Variants in KCNQ5 observed in about 807,000 individuals in gnomAD.
KCNQ5 encodes the protein potassium voltage-gated channel subfamily Q member 5.
In KCNQ5, 30 loss-of-function variants were observed where a neutral mutation model predicts 98.2. That is an observed-to-expected ratio of 0.31 (90% CI 0.23 to 0.41). The LOEUF (loss-of-function observed/expected upper bound fraction) is 0.41, where lower values mean the gene tolerates loss of function less well. Ranked by LOEUF, KCNQ5 falls within the 10% of genes least tolerant of loss-of-function variation. The probability of loss-of-function intolerance (pLI) is 1.00; values close to 1 mark genes in which losing one functional copy is unlikely to be tolerated. For missense variants in KCNQ5, 835 were observed against 1,182.5 expected, an observed-to-expected ratio of 0.71 and a Z score of 4.31; for synonymous variants, 458 against 449.4, an observed-to-expected ratio of 1.02 and a Z score of -0.24.
chr6:73,076,182 G>A (rs1387771573), intron 3 of KCNQ5, among the ~76,000 whole-genome samples: 1 of 152,196 alleles, frequency 6.6e-6, no homozygotes, highest in Non-Finnish European at 1.5e-5. Context: ...CACACCAGGA[G>A]ACCAGACCTT....
At chr6:72,995,676 G>T (rs1286594188) in intron 1 of KCNQ5, among the ~76,000 whole-genome samples, 2 of 152,126 alleles carry the variant, frequency 1.3e-5, no homozygotes, top group Admixed American at 1.3e-4. Flanking sequence ...GGAAGATAAG[G>T]GTAAAACATT....
At chr6:73,059,298 G>A (rs748937447) in intron 3 of KCNQ5, among the ~76,000 whole-genome samples, 1 of 152,078 alleles carries the variant, frequency 6.6e-6, no homozygotes, top group African/African-American at 2.4e-5. Context: ...TCACCTAAGC[G>A]AACTGACACA....
At chr6:72,970,612 A>G (rs1044430241) in intron 1 of KCNQ5, among the ~76,000 whole-genome samples, 6 of 152,238 alleles carry the variant, frequency 3.9e-5, no homozygotes, top group African/African-American at 1.4e-4. Flanking sequence ...ACAAGGCCAC[A>G]GTAACCAAAA....
At chr6:72,762,427 A>G (rs1772336488) in intron 1 of KCNQ5, among the ~76,000 whole-genome samples, 1 of 151,238 alleles carries the variant, frequency 6.6e-6, no homozygotes, top group Non-Finnish European at 1.5e-5. Context: ...AAAAAAAAAA[A>G]TAGAATACGT....
rs555896792 is a variant in KCNQ5 at position 73,182,771 on chromosome 6, T to C, written c.1578-7802T>C. ...CTTATCAAAGGCTAATTGGGTAGCT[T>C]TTTGCTCATGATATACGTTGGGAAT... is the stretch of plus-strand genomic sequence containing the variant. On this transcript the variant is annotated intron_variant, in intron 11 of 13. Coordinates refer to ENST00000370398, the MANE Select transcript of KCNQ5 (RefSeq NM_019842.4). Among the ~76,000 whole-genome samples, 118 of 152,316 alleles carry C rather than the reference T, an allele frequency of 7.7e-4. 1 individual carries two copies. Among genetic ancestry groups the C allele is most frequent in the Non-Finnish European group, 5.0e-4 (34 of 68,032 alleles).
At chr6:72,767,800 A>G (rs1363820310) in intron 1 of KCNQ5, among the ~76,000 whole-genome samples, 2 of 151,988 alleles carry the variant, frequency 1.3e-5, no homozygotes, top group Non-Finnish European at 2.9e-5. Flanking sequence ...ACTTCACCCC[A>G]ATTAGGATGG....
At chr6:73,059,396 G>A (rs938153295) in intron 3 of KCNQ5, among the ~76,000 whole-genome samples, 2 of 152,042 alleles carry the variant, frequency 1.3e-5, no homozygotes, top group East Asian at 1.9e-4. Context: ...AACAACAGAC[G>A]CGTAAGCCTA....
At chr6:73,066,608 CA>C (rs767429411) in intron 3 of KCNQ5, among the ~76,000 whole-genome samples, 14 of 152,134 alleles carry the variant, frequency 9.2e-5, no homozygotes, top group Middle Eastern at 6.8e-3. Context: ...GTATCCAAAA[CA>C]AAAAATGTAC....
intron 1 of KCNQ5, among the ~76,000 whole-genome samples, chr6:72,632,675 G>A (rs2098921674): frequency 1.3e-5 from 2 of 152,168 alleles, no homozygotes; most frequent in Non-Finnish European, 2.9e-5. Flanking sequence ...GTGAGAATAT[G>A]TGGTACTTGG....
intron 5 of KCNQ5, among the ~76,000 whole-genome samples, chr6:73,095,044 C>A (rs1774423407): frequency 6.6e-6 from 1 of 152,148 alleles, no homozygotes; most frequent in South Asian, 2.1e-4. Context: ...TCTCTTCTTC[C>A]TCAAGAACAC....
chr6:72,932,635 A>G (rs573595638), intron 1 of KCNQ5, among the ~76,000 whole-genome samples: 65 of 152,266 alleles, frequency 4.3e-4, no homozygotes, highest in Non-Finnish European at 9.3e-4. Flanking sequence ...TTGTTATTTT[A>G]TAACTTATTT....
chr6:73,150,017 A>C (rs1582448052), intron 10 of KCNQ5, among the ~76,000 whole-genome samples: 1 of 152,000 alleles, frequency 6.6e-6, no homozygotes. Context: ...GAAAAAAAAA[A>C]AAACACCAGT....
At chr6:72,702,078 A>G (rs938665488) in intron 1 of KCNQ5, among the ~76,000 whole-genome samples, 5 of 152,172 alleles carry the variant, frequency 3.3e-5, no homozygotes, top group Admixed American at 2.0e-4. Flanking sequence ...TATTAGAGAG[A>G]ATGCTCAACT....
intron 1 of KCNQ5, among the ~76,000 whole-genome samples, chr6:72,845,204 G>A (rs1776968695): frequency 6.6e-6 from 1 of 152,160 alleles, no homozygotes; most frequent in African/African-American, 2.4e-5. Context: ...TACAGTGAGT[G>A]TGTAAACAAA....
chr6:73,025,588 A>T (rs1770835480), intron 2 of KCNQ5, among the ~76,000 whole-genome samples: 1 of 141,678 alleles, frequency 7.1e-6, no homozygotes, highest in Non-Finnish European at 1.5e-5. Flanking sequence ...GCACCACTGT[A>T]CTCCAGCCTG....
intron 1 of KCNQ5, among the ~76,000 whole-genome samples, chr6:72,833,172 C>T (rs1776357291): frequency 1.3e-5 from 2 of 152,168 alleles, no homozygotes; most frequent in South Asian, 4.1e-4. Flanking sequence ...GGCCACTTAA[C>T]TTCTCTGTGT....
At chr6:72,974,897 C>T (rs575568636) in intron 1 of KCNQ5, among the ~76,000 whole-genome samples, 11 of 151,898 alleles carry the variant, frequency 7.2e-5, no homozygotes, top group African/African-American at 1.9e-4. Context: ...ACGGCACACC[C>T]GGCTAATTTT....
chr6:72,681,802 T>C (rs533681064), intron 1 of KCNQ5, among the ~76,000 whole-genome samples: 1 of 152,338 alleles, frequency 6.6e-6, no homozygotes, highest in African/African-American at 2.4e-5. Flanking sequence ...CCATTCCCTT[T>C]CAATATCTTC....
intron 1 of KCNQ5, among the ~76,000 whole-genome samples, chr6:72,650,176 T>C (rs1325189446): frequency 6.6e-6 from 1 of 152,150 alleles, no homozygotes; most frequent in South Asian, 2.1e-4. Context: ...TAATCTGTAT[T>C]AGGTCATTCA....
Sources: gnomAD v4.1 joint callset for allele counts (sites outside exome capture counted in the v4.1 genomes callset) on GRCh38, gnomAD v4.1.1 for gene constraint, MANE v1.5 for transcripts, NCBI Gene and HGNC (gene_info 2026-07-23, HGNC 2026-07-21) for gene names.